Variants in KRT71 observed in about 807,000 individuals in gnomAD.
KRT71 encodes the protein keratin 71.
In KRT71, 42 loss-of-function variants were observed where a neutral mutation model predicts 46.2. The observed-to-expected ratio is 0.91, with a 90% CI of 0.71 to 1.18. KRT71 has a LOEUF of 1.18. Among genes scored for constraint, KRT71 ranks in the 50% most tolerant of loss-of-function variants. The probability of loss-of-function intolerance (pLI) is 0.00; values close to 1 mark genes in which losing one functional copy is unlikely to be tolerated. For synonymous variants in KRT71, 292 were observed against 277.8 expected (o/e 1.05, Z -0.51); for missense variants, 708 against 677.9 (o/e 1.04, Z -0.49).
In KRT71 at chr12:52,550,244, C is replaced by T; in HGVS notation, c.442-1G>A. ...GGTTCTGCTGCTCCAGGAACCGCAC[C>T]TGGAACCCAGATCCCAGAAACTGCT... On this transcript the variant is annotated splice_acceptor_variant, in intron 1 of 8. Transcript: ENST00000267119. LOFTEE classifies it high-confidence loss of function. The T allele has an allele frequency of 1.2e-6, 2 of 1,614,064 alleles. No homozygotes were observed. Among genetic ancestry groups the T allele is most frequent in the Non-Finnish European group, 1.7e-6 (2 of 1,180,034 alleles).
chr12:52,551,793 G>T (rs761403509), intron 1 of KRT71, among the ~76,000 whole-genome samples: 8 of 152,104 alleles, frequency 5.3e-5, no homozygotes, highest in Non-Finnish European at 8.8e-5. Flanking sequence ...CATACGATAG[G>T]GATAATCATT....
chr12:52,547,179 C>A (rs1169640711), intron 6 of KRT71, among the ~76,000 whole-genome samples: 2 of 152,146 alleles, frequency 1.3e-5, no homozygotes, highest in Admixed American at 1.3e-4. Flanking sequence ...GCTGTGTAAC[C>A]CCCTTATCCT....
chr12:52,549,307 C>G lies in KRT71; in HGVS notation c.703G>C (p.Val235Leu), dbSNP rs1939119153. 1.2e-6 allele frequency: 2 copies of G among 1,613,792 alleles called. No homozygotes were observed. Among genetic ancestry groups the G allele is most frequent in the Admixed American group, 1.7e-5 (1 of 60,010 alleles). The stretch of plus-strand genomic sequence containing the variant: ...CTTCCCCTCACCTTCTTGAGCAGCA[C>G]AAACTCGTTCTCTGCTGCTGTCCGC... ...NKRTAAENEF[V>L]LLKKDVDAAY... The change falls in exon 3 of 9, where the codon GTG (valine) becomes CTG (leucine). Residue 235 changes from valine to leucine, a missense_variant. Physicochemically the swap from Val to Leu is conservative, Grantham distance 32 (BLOSUM62 1). Coordinates refer to ENST00000267119, the MANE Select transcript of KRT71 (RefSeq NM_033448.3).
intron 2 of KRT71, 138 bp downstream of exon 2, chr12:52,549,891 T>C (rs1293658104): frequency 6.3e-6 from 6 of 951,896 alleles, no homozygotes; most frequent in East Asian, 2.5e-5. Flanking sequence ...CAGAGTTTTG[T>C]TGGGGTGATT....
At position 52,547,844 on chromosome 12, in the gene KRT71, A is replaced by G; in HGVS notation, c.1104+13T>C. ...CTGCACTTGACCACAGGCCAAGGCC[A>G]ACGTGCTCTCACCTGCTTCTTCACG... is the stretch of plus-strand genomic sequence containing the variant. On this transcript the variant is annotated intron_variant, in intron 6 of 8. Transcript: ENST00000267119. The G allele has an allele frequency of 6.2e-7, 1 of 1,613,564 alleles. No homozygotes were observed. Among genetic ancestry groups the G allele is most frequent in the East Asian group, 2.2e-5 (1 of 44,858 alleles).
chr12:52,548,646 TAG>T, intron 4 of KRT71, 53 bp downstream of exon 4: 4 of 1,486,756 alleles, frequency 2.7e-6, no homozygotes, highest in Non-Finnish European at 3.8e-6. Context: ...GCCCCTAGAA[TAG>T]AGTTTAACCC....
chr12:52,547,741 G>T, intron 6 of KRT71, 116 bp downstream of exon 6: 1 of 1,310,564 alleles, frequency 7.6e-7, no homozygotes, highest in Non-Finnish European at 1.1e-6. Flanking sequence ...CGACCTCACT[G>T]GCCTTCTCTC....
At chr12:52,546,233 T>A (rs564993214) in intron 7 of KRT71, 53 bp downstream of exon 7, 1 of 1,597,980 alleles carries the variant, frequency 6.3e-7, no homozygotes, top group Non-Finnish European at 8.6e-7. Flanking sequence ...GGCTTTCTCC[T>A]TTGGGTCTTC....
chr12:52,546,526 A>G lies in KRT71; in HGVS notation c.1105-20T>C. The G allele has an allele frequency of 6.2e-7, 1 of 1,609,226 alleles. No homozygotes were observed. Reference sequence around the variant, plus strand: ...GGAAGCCTAAGGAAGGAATTGGTGAAGTCGAAAAATTTGGAGGAGCCACTG... The same window carrying G: ...GGAAGCCTAAGGAAGGAATTGGTGAGGTCGAAAAATTTGGAGGAGCCACTG... On this transcript the variant is annotated intron_variant, in intron 6 of 8. Transcript: ENST00000267119.
chr12:52,552,486 A>T, intron 1 of KRT71, 151 bp downstream of exon 1: 1 of 774,460 alleles, frequency 1.3e-6, no homozygotes, highest in Non-Finnish European at 2.1e-6. Flanking sequence ...AACCTTACAC[A>T]GGTCACCCTG....
At chr12:52,546,135 G>T in intron 7 of KRT71, 151 bp downstream of exon 7, 1 of 819,570 alleles carries the variant, frequency 1.2e-6, no homozygotes, top group Non-Finnish European at 1.9e-6. Context: ...GTCCACTCAT[G>T]GTAGTATTGT....
At chr12:52,547,569 A>G (rs577279482) in intron 6 of KRT71, among the ~76,000 whole-genome samples, 100 of 152,276 alleles carry the variant, frequency 6.6e-4, no homozygotes, top group African/African-American at 2.3e-3. Context: ...GAAGTGTGAC[A>G]AATACAGGGA....
intron 7 of KRT71, among the ~76,000 whole-genome samples, 186 bp downstream of exon 7, chr12:52,546,100 C>T (rs1939052425): frequency 6.6e-6 from 1 of 152,040 alleles, no homozygotes; most frequent in Non-Finnish European, 1.5e-5. Context: ...AGCAAGCTCT[C>T]ACAGTCTACT....
At chr12:52,547,814 C>G in intron 6 of KRT71, 43 bp downstream of exon 6, 1 of 1,605,686 alleles carries the variant, frequency 6.2e-7, no homozygotes, top group Non-Finnish European at 8.5e-7. Flanking sequence ...TCTACTCATG[C>G]TCCCCTGCAC....
chr12:52,547,234 T>C (rs1256582177), intron 6 of KRT71, among the ~76,000 whole-genome samples: 3 of 152,182 alleles, frequency 2.0e-5, no homozygotes, highest in Admixed American at 2.0e-4. Context: ...CGAGGGCAAC[T>C]GTTGCCTCTC....
intron 3 of KRT71, 81 bp downstream of exon 3, chr12:52,549,212 G>T: frequency 9.8e-7 from 1 of 1,017,610 alleles, no homozygotes; most frequent in Non-Finnish European, 1.6e-6. Context: ...CCTTGAGGGG[G>T]GCTAACAGAG....
chr12:52,546,308 G>T lies in KRT71; in HGVS notation c.1303C>A (p.Leu435Ile), dbSNP rs374112782. The T allele has an allele frequency of 6.2e-7, 1 of 1,614,034 alleles. No individual in the cohort carries two copies. The highest frequency in any genetic ancestry group is 1.3e-5 in the African/African-American group (1 of 74,922). Reference protein sequence around the residue: ...LDMEIATYRKLLESEECRMSG... With the variant: ...LDMEIATYRKILESEECRMSG... Reference sequence around the variant, plus strand: ...CACCTGCACTCCTCGCTCTCCAGTAGCTTGCGATAGGTGGCGATCTCCATG... The same window carrying T: ...CACCTGCACTCCTCGCTCTCCAGTATCTTGCGATAGGTGGCGATCTCCATG... The change falls in exon 7 of 9, where the codon CTA becomes ATA. Residue 435 changes from leucine to isoleucine, a missense_variant. Physicochemically the swap from Leu to Ile is conservative, Grantham distance 5. Coordinates refer to ENST00000267119, the MANE Select transcript of KRT71 (RefSeq NM_033448.3).
At chr12:52,551,921 G>GTCAAAA (rs1555159724) in intron 1 of KRT71, among the ~76,000 whole-genome samples, 1 of 152,214 alleles carries the variant, frequency 6.6e-6, no homozygotes, top group Admixed American at 6.5e-5. Flanking sequence ...AGAAATGAGA[G>GTCAAAA]TCACAATCAC....
intron 7 of KRT71, among the ~76,000 whole-genome samples, chr12:52,545,805 C>CAACCCTAGTTTTGT (rs1939047617): frequency 6.6e-6 from 1 of 152,140 alleles, no homozygotes; most frequent in African/African-American, 2.4e-5. Context: ...CAACCCTAGT[C>CAACCCTAGTTTTGT]AAACAATAGT....
Sources: allele counts gnomAD v4.1 joint callset (sites outside exome capture counted in the v4.1 genomes callset), GRCh38; gene constraint gnomAD v4.1.1; transcripts MANE v1.5; gene names NCBI Gene and HGNC (gene_info 2026-07-23, HGNC 2026-07-21).